SMG1: variants seen among roughly 807,000 people sequenced by gnomAD.
SMG1 encodes SMG1 nonsense mediated mRNA decay associated PI3K related kinase.
Under a neutral mutation model 419.9 loss-of-function variants are expected in SMG1, and 22 were observed. The ratio of observed to expected loss-of-function variants is 0.05; its 90% CI spans 0.04 to 0.07. The LOEUF is 0.07. Among genes scored for constraint, SMG1 ranks in the 10% least tolerant of loss-of-function variants. SMG1 has a pLI of 1.00. For missense variants in SMG1, 3,185 were observed against 4,342.0 expected (o/e 0.73, Z 7.49); for synonymous variants, 1,538 against 1,553.5 (o/e 0.99, Z 0.23).
At position 18,915,610 on chromosome 16, in the gene SMG1, T is replaced by G. The variant is rs1422357689; in HGVS notation, c.92+10340A>C. Among the ~76,000 whole-genome samples, 7 of 152,228 alleles carry G rather than the reference T, an allele frequency of 4.6e-5. No homozygotes were observed. The East Asian group carries it at 1.4e-3, about 30-fold the overall frequency. On this transcript the variant is annotated intron_variant, in intron 1 of 62. Coordinates refer to ENST00000446231, the MANE Select transcript of SMG1 (RefSeq NM_015092.5). ...ACCAGATCCATGCACATATGCAGGT[T>G]GTATTTTACTGGAGATGGCACACAT...
At chr16:18,858,008 G>A (rs541279238) in intron 29 of SMG1, 162 bp downstream of exon 29, 248 of 510,996 alleles carry the variant, frequency 4.9e-4, no homozygotes, top group Middle Eastern at 8.3e-4. Flanking sequence ...TCTGGGGTAA[G>A]ACGGTGTTCT....
Position 18,848,020 on chromosome 16 carries a change from G to T in SMG1, c.5637C>A (p.Ser1879=). ...SESQASGNKF[S]TAIPTLLGNI... is the part of the protein sequence containing the mutation. ...TGCCAAGTAAAGTTGGAATTGCAGT[G>T]GAAAATTTATTTCCTGTAATGAAAT... Residue 1879 remains serine (S), a synonymous_variant, in exon 37 of 63, where the codon TCC becomes TCA. Coordinates refer to ENST00000446231, the MANE Select transcript of SMG1 (RefSeq NM_015092.5). The T allele has an allele frequency of 6.2e-7, 1 of 1,613,306 alleles. No homozygotes were observed. The highest frequency in any genetic ancestry group is 8.5e-7 in the Non-Finnish European group (1 of 1,179,490).
chr16:18,882,250 C>T lies in SMG1; in HGVS notation c.1208G>A (p.Arg403Gln). 1 of 1,610,190 alleles carries T rather than the reference C, an allele frequency of 6.2e-7. No individual in the cohort carries two copies. The highest frequency in any genetic ancestry group is 8.5e-7 in the Non-Finnish European group (1 of 1,178,992). Reference sequence around the variant, plus strand: ...GCTCCTCACCACAGTACTAAATACCCGGAGAAGTGCAGCCAGCTTTGGTAA... The same window carrying T: ...GCTCCTCACCACAGTACTAAATACCTGGAGAAGTGCAGCCAGCTTTGGTAA... ...VSLPKLAALLRVFSTVVRSIG... is the reference protein window; with the variant it reads ...VSLPKLAALLQVFSTVVRSIG... Residue 403 changes from arginine (R) to glutamine (Q), a missense_variant, in exon 10 of 63, where the codon CGG becomes CAG. Around this residue, in one of 27 missense-constraint regions of SMG1, gnomAD observed 52 missense variants for 69.0 expected, o/e 0.75. Transcript: ENST00000446231.
intron 30 of SMG1, 47 bp downstream of exon 30, chr16:18,854,609 A>G (rs1376526202): frequency 1.3e-6 from 2 of 1,527,092 alleles, no homozygotes; most frequent in Non-Finnish European, 1.8e-6. Context: ...ATTCATATAC[A>G]TGATTTTTAT....
At chr16:18,873,149 T>A (rs975927726) in intron 13 of SMG1, among the ~76,000 whole-genome samples, 10 of 151,910 alleles carry the variant, frequency 6.6e-5, no homozygotes, top group Non-Finnish European at 1.3e-4. Flanking sequence ...GTTAAGACTC[T>A]CTCTCTCAAA....
Position 18,835,119 on chromosome 16 carries a change from C to A in SMG1, c.8103G>T (p.Gln2701His). Residue 2701 changes from glutamine (Q) to histidine (H), a missense_variant, in exon 49 of 63, where the codon CAG (glutamine) becomes CAT (histidine). This residue lies in a region of SMG1 where 412 missense variants were observed against 546.6 expected (regional missense o/e 0.75). Transcript: ENST00000446231. ...GGGTCATTTCAGTGGCAGTGATGAA[C>A]TGACACACTGTTGGGGGTGGCTGGG... ...YAPQPPPTVCQFITATEMTLQ... is the reference protein window; with the variant it reads ...YAPQPPPTVCHFITATEMTLQ... 1 of 1,613,786 alleles carries A rather than the reference C, an allele frequency of 6.2e-7. No homozygotes were observed.
chr16:18,900,257 A>AT (rs1409440366), intron 1 of SMG1, among the ~76,000 whole-genome samples: 1 of 152,250 alleles, frequency 6.6e-6, no homozygotes, highest in African/African-American at 2.4e-5. Context: ...ATTTTAGTAC[A>AT]TAAGAGAATT....
chr16:18,919,578 T>C (rs1290928981), intron 1 of SMG1, among the ~76,000 whole-genome samples: 3 of 148,694 alleles, frequency 2.0e-5, no homozygotes, highest in Admixed American at 6.8e-5. Context: ...GAGCCGAGAT[T>C]GCGCCACTGC....
intron 9 of SMG1, among the ~76,000 whole-genome samples, chr16:18,882,896 A>C (rs1287427233): frequency 6.6e-6 from 1 of 152,248 alleles, no homozygotes; most frequent in Admixed American, 6.5e-5. Context: ...GCAGCAAAAT[A>C]ACAGAAGAGA....
intron 13 of SMG1, among the ~76,000 whole-genome samples, chr16:18,873,790 G>A (rs2035955473): frequency 6.6e-6 from 1 of 152,094 alleles, no homozygotes; most frequent in Non-Finnish European, 1.5e-5. Context: ...GGCACACCCT[G>A]CCACTCTACA....
chr16:18,865,662 A>AT (rs578185182), intron 23 of SMG1, among the ~76,000 whole-genome samples: 9,062 of 143,100 alleles, frequency 0.063, 311 homozygotes, highest in Non-Finnish European at 0.078. Context: ...TAACATGGCA[A>AT]TTTTTTTTTT....
chr16:18,866,582 A>G (rs755000340), intron 23 of SMG1, 39 bp downstream of exon 23: 3 of 1,559,470 alleles, frequency 1.9e-6, no homozygotes, highest in Non-Finnish European at 2.6e-6. Flanking sequence ...ACTTAAACAT[A>G]AAGTAATTCT....
intron 8 of SMG1, 34 bp from the exon 9 acceptor site, chr16:18,884,201 G>C (rs771001329): frequency 9.4e-6 from 11 of 1,170,732 alleles, no homozygotes; most frequent in Admixed American, 9.0e-5. Context: ...GAAAGGGTAG[G>C]GGGGAAAAAA....
Position 18,832,582 on chromosome 16 carries a change from GCACACACA to G in SMG1, c.8792+350_8792+357del, listed in dbSNP as rs3222694. On this transcript the variant is annotated intron_variant, in intron 51 of 62. Transcript: ENST00000446231. ...ATGTATGTGACCGAACTATACACTT[GCACACACA>G]CACACACACACACACACACACACAA... 6.8e-3 allele frequency among the ~76,000 whole-genome samples: 1,011 copies of G among 148,392 alleles called. 14 individuals carry two copies. Among genetic ancestry groups the G allele is most frequent in the African/African-American group, 0.023 (939 of 40,356 alleles).
At chr16:18,813,716 T>G (rs2031698654) in intron 60 of SMG1, among the ~76,000 whole-genome samples, 2 of 152,328 alleles carry the variant, frequency 1.3e-5, no homozygotes, top group Admixed American at 1.3e-4. Flanking sequence ...CTTTTGGTGT[T>G]TTAGACATGG....
intron 62 of SMG1, among the ~76,000 whole-genome samples, chr16:18,810,027 T>C (rs538864034): frequency 6.6e-6 from 1 of 151,882 alleles, no homozygotes; most frequent in Non-Finnish European, 1.5e-5. Context: ...CTAGGTCCTA[T>C]ACAAGAATAT....
In SMG1 at chr16:18,849,493, T is replaced by G. The variant is rs2034473363; in HGVS notation, c.5462-115A>C. Reference sequence around the variant, plus strand: ...ATGTGTGTCGGCATTAGTACGGATTTTAAGAGTTCAAATTTCTCCCTGTGA... The same window carrying G: ...ATGTGTGTCGGCATTAGTACGGATTGTAAGAGTTCAAATTTCTCCCTGTGA... On this transcript the variant is annotated intron_variant, in intron 35 of 62. Transcript: ENST00000446231. The G allele has an allele frequency of 5.0e-6, 5 of 995,786 alleles. No homozygotes were observed. The South Asian group carries it at 7.0e-5, about 14-fold the overall frequency. 61.7% of individuals were successfully genotyped at this position (995,786 alleles called of 1,614,324 possible). A position where few individuals can be genotyped will look rare whatever the true frequency, so the allele number is the denominator to read the frequency against.
At position 18,814,738 on chromosome 16, in the gene SMG1, C is replaced by G. The variant is rs551913321; in HGVS notation, c.10621+437G>C. On this transcript the variant is annotated intron_variant, in intron 60 of 62. Transcript: ENST00000446231. ...TACAAGCATCTGGCACCACACCCAG[C>G]TAATTTTTTTTGTATTTTTAGTAGA... Among the ~76,000 whole-genome samples the G allele has an allele frequency of 3.9e-4, 43 of 109,600 alleles. 1 individual carries two copies. The highest frequency in any genetic ancestry group is 3.0e-3 in the Admixed American group (31 of 10,478). 71.9% of individuals were successfully genotyped at this position (109,600 alleles called of 152,430 possible). A position where few individuals can be genotyped will look rare whatever the true frequency, so the allele number is the denominator to read the frequency against.
At chr16:18,919,332 A>C (rs2038096287) in intron 1 of SMG1, among the ~76,000 whole-genome samples, 1 of 151,748 alleles carries the variant, frequency 6.6e-6, no homozygotes, top group Non-Finnish European at 1.5e-5. Context: ...ATCTCTAAAA[A>C]AAAAATTTAT....
Sources: gnomAD v4.1 joint callset for allele counts (sites outside exome capture counted in the v4.1 genomes callset) on GRCh38, gnomAD v4.1.1 for gene constraint, gnomAD v4.1.1 regional missense constraint, MANE v1.5 for transcripts, NCBI Gene and HGNC (gene_info 2026-07-23, HGNC 2026-07-21) for gene names.